Variants in TNRC6B observed in about 807,000 individuals in gnomAD.
The protein encoded by TNRC6B is trinucleotide repeat containing adaptor 6B.
In TNRC6B, 52 loss-of-function variants were observed where a neutral mutation model predicts 203.6. That is an observed-to-expected ratio of 0.26 (90% CI 0.20 to 0.32). The LOEUF is 0.32. TNRC6B is among the 10% of genes least tolerant of loss of function. The pLI, the probability that TNRC6B is intolerant of heterozygous loss-of-function variation, is 1.00. For missense variants in TNRC6B, 1,923 were observed against 2,286.2 expected, an observed-to-expected ratio of 0.84 and a Z score of 3.24; for synonymous variants, 838 against 845.7, an observed-to-expected ratio of 0.99 and a Z score of 0.16.
intron 16 of TNRC6B, 72 bp from the exon 17 acceptor site, chr22:40,310,745 A>G (rs1162414723): frequency 7.0e-7 from 1 of 1,438,146 alleles, no homozygotes; most frequent in Non-Finnish European, 9.4e-7. Context: ...TTTGCATTCC[A>G]GCGAATAAAA....
intron 13 of TNRC6B, 29 bp from the exon 14 acceptor site, chr22:40,300,881 G>GT (rs2071014057): frequency 1.2e-6 from 2 of 1,605,286 alleles, no homozygotes; most frequent in African/African-American, 1.3e-5. Context: ...GGAAACTTTG[G>GT]TTTTCTGTCT....
intron 1 of TNRC6B, among the ~76,000 whole-genome samples, chr22:40,219,801 C>G (rs2069683620): frequency 6.6e-6 from 1 of 152,190 alleles, no homozygotes; most frequent in Non-Finnish European, 1.5e-5. Flanking sequence ...TCCTATTACC[C>G]TGTCTGGTTT....
intron 2 of TNRC6B, among the ~76,000 whole-genome samples, chr22:40,117,794 C>A (rs1185581012): frequency 2.0e-5 from 3 of 152,054 alleles, no homozygotes; most frequent in African/African-American, 2.4e-5. Context: ...GGCAGAATTT[C>A]TTTTTCATCT....
intron 4 of TNRC6B, among the ~76,000 whole-genome samples, chr22:40,167,336 A>G (rs558076012): frequency 2.4e-4 from 37 of 152,300 alleles, no homozygotes; most frequent in Non-Finnish European, 5.3e-4. Flanking sequence ...AAGGACAGAT[A>G]CTATTAATAT....
chr22:40,077,635 T>TA (rs554308745), intron 1 of TNRC6B, among the ~76,000 whole-genome samples: 4 of 152,028 alleles, frequency 2.6e-5, no homozygotes, highest in Non-Finnish European at 5.9e-5. Context: ...CAGGTATCTT[T>TA]AAAAAAAACC....
At chr22:40,095,749 C>G (rs891471242) in intron 1 of TNRC6B, among the ~76,000 whole-genome samples, 6 of 151,124 alleles carry the variant, frequency 4.0e-5, no homozygotes, top group African/African-American at 1.5e-4. Context: ...TGTGTATTTC[C>G]TTATACCTGT....
chr22:40,204,836 A>T (rs1343256411), intron 1 of TNRC6B, among the ~76,000 whole-genome samples: 1 of 152,176 alleles, frequency 6.6e-6, no homozygotes, highest in Non-Finnish European at 1.5e-5. Context: ...TTTTATAGTG[A>T]TACCAACAGT....
At chr22:40,303,696 G>A (rs368274231) in intron 15 of TNRC6B, among the ~76,000 whole-genome samples, 5 of 152,228 alleles carry the variant, frequency 3.3e-5, no homozygotes, top group South Asian at 2.1e-4. Context: ...CAGATCACTT[G>A]AGGTCAGGAG....
upstream of TNRC6B, among the ~76,000 whole-genome samples, chr22:40,174,042 G>A (rs1470924269): frequency 6.7e-6 from 1 of 149,782 alleles, no homozygotes; most frequent in Non-Finnish European, 1.5e-5. Flanking sequence ...CAGGTGATCT[G>A]CCTGGCTCAG....
At chr22:40,280,735 C>G (rs1029976438) in intron 10 of TNRC6B, among the ~76,000 whole-genome samples, 1 of 152,340 alleles carries the variant, frequency 6.6e-6, no homozygotes, top group East Asian at 1.9e-4. Flanking sequence ...ATTTTTAAAT[C>G]TGGCACGTTT....
intron 3 of TNRC6B, among the ~76,000 whole-genome samples, chr22:40,257,678 T>C (rs2070301377): frequency 6.6e-6 from 1 of 151,556 alleles, no homozygotes; most frequent in South Asian, 2.1e-4. Flanking sequence ...ATCACGCCAC[T>C]GTACTCCAGC....
intron 3 of TNRC6B, among the ~76,000 whole-genome samples, chr22:40,155,166 T>C (rs2146352457): frequency 6.6e-6 from 1 of 152,160 alleles, no homozygotes; most frequent in Admixed American, 6.5e-5. Context: ...TAAAAATAAT[T>C]CCACTATAAA....
chr22:40,248,675 C>T (rs2070142525), intron 2 of TNRC6B, among the ~76,000 whole-genome samples: 1 of 152,104 alleles, frequency 6.6e-6, no homozygotes, highest in African/African-American at 2.4e-5. Context: ...GACAGTCTCT[C>T]CTATGTGCCT....
intron 1 of TNRC6B, among the ~76,000 whole-genome samples, chr22:40,069,171 C>T (rs946630019): frequency 3.3e-5 from 5 of 152,094 alleles, no homozygotes; most frequent in Admixed American, 1.3e-4. Context: ...AATCATGCCC[C>T]ACTGCATGCA....
rs151000041 is a variant in TNRC6B, at chr22:40,300,019, T to G, written c.3709-436T>G. 5.3e-3 allele frequency among the ~76,000 whole-genome samples: 804 copies of G among 152,324 alleles called. 7 individuals carry two copies. The highest frequency in any genetic ancestry group is 0.019 in the African/African-American group (782 of 41,572). On this transcript the variant is annotated intron_variant, in intron 12 of 22. Transcript: ENST00000454349. The stretch of plus-strand genomic sequence containing the variant: ...AAGCCATGCATTGAAACTCATGTCT[T>G]CTATTTACAAGTTAATATATTTGTC...
chr22:40,258,617 C>T (rs1363056840), intron 3 of TNRC6B, among the ~76,000 whole-genome samples: 1 of 151,952 alleles, frequency 6.6e-6, no homozygotes, highest in East Asian at 1.9e-4. Context: ...ATACTTTGAC[C>T]TATTTGTACA....
At position 40,264,989 on chromosome 22, in the gene TNRC6B, A is replaced by G. The variant is rs768473453; in HGVS notation, c.759A>G (p.Glu253=). The G allele has an allele frequency of 6.2e-7, 1 of 1,614,012 alleles. No homozygotes were observed. Among genetic ancestry groups the G allele is most frequent in the Non-Finnish European group, 8.5e-7 (1 of 1,179,888 alleles). ...SQCQSASSGN[E]CNLGVWKSDP... ...GCCAGTCTGCAAGTTCTGGGAACGAATGTAATCTTGGGGTCTGGAAATCTG... is the reference window on the plus strand; with the variant it reads ...GCCAGTCTGCAAGTTCTGGGAACGAGTGTAATCTTGGGGTCTGGAAATCTG... Residue 253 remains glutamate (E), a synonymous_variant, in exon 5 of 23, where the codon GAA becomes GAG. Coordinates refer to ENST00000454349, the MANE Select transcript of TNRC6B (RefSeq NM_001162501.2).
At chr22:40,278,119 G>A in intron 9 of TNRC6B, 75 bp downstream of exon 9, 1 of 1,164,206 alleles carries the variant, frequency 8.6e-7, no homozygotes, top group South Asian at 1.3e-5. Context: ...TGCCCAATTT[G>A]ATTAGGGATA....
At chr22:40,137,655 C>G (rs1416033974) in intron 3 of TNRC6B, among the ~76,000 whole-genome samples, 1 of 152,034 alleles carries the variant, frequency 6.6e-6, no homozygotes, top group African/African-American at 2.4e-5. Flanking sequence ...GGATGTTAAG[C>G]AGGGGAGAAA....
Sources: gnomAD v4.1 joint callset for allele counts (sites outside exome capture counted in the v4.1 genomes callset) on GRCh38, gnomAD v4.1.1 for gene constraint, MANE v1.5 for transcripts, NCBI Gene and HGNC (gene_info 2026-07-23, HGNC 2026-07-21) for gene names.